The following RICTOR variants were observed in gnomAD, a reference collection of about 807,000 sequenced individuals.
RICTOR encodes the protein RPTOR independent companion of MTOR complex 2.
In RICTOR, 49 loss-of-function variants were observed where a neutral mutation model predicts 214.9. That is an observed-to-expected ratio of 0.23 (90% CI 0.18 to 0.29). RICTOR has a LOEUF of 0.29. Among genes scored for constraint, RICTOR ranks in the 10% least tolerant of loss-of-function variants. The pLI, the probability that RICTOR is intolerant of heterozygous loss-of-function variation, is 1.00. For synonymous variants in RICTOR, 717 were observed against 711.3 expected (o/e 1.01, Z -0.13); for missense variants, 1,625 against 2,047.0 (o/e 0.79, Z 3.98).
In RICTOR at chr5:38,978,650, T is replaced by C; in HGVS notation, c.754A>G (p.Arg252Gly). ...AAATCAGTATAGGGTGCTAAAATTC[T>C]CTATTTAAAAAAAAAAAGGAAGAAA... Reference protein sequence around the residue: ...QYVRADVELERILAPYTDFHY... With the variant: ...QYVRADVELEGILAPYTDFHY... Residue 252 changes from arginine to glycine, a missense_variant and splice_region_variant, in exon 9 of 38, where the codon AGA becomes GGA. Physicochemically the swap from Arg to Gly is moderately radical, Grantham distance 125. Transcript: ENST00000357387. 3 of 1,479,920 alleles carry C rather than the reference T, an allele frequency of 2.0e-6. No individual in the cohort carries two copies. Among genetic ancestry groups the C allele is most frequent in the Non-Finnish European group, 2.8e-6 (3 of 1,073,784 alleles). The allele number at this position is 1,479,920 out of a possible 1,614,324, so 91.7% of individuals were successfully genotyped here. A position where few individuals can be genotyped will look rare whatever the true frequency, so the allele number is the denominator to read the frequency against.
intron 8 of RICTOR, 123 bp downstream of exon 8, chr5:38,981,744 G>T (rs1017115961): frequency 6.6e-6 from 4 of 608,660 alleles, no homozygotes; most frequent in South Asian, 2.6e-5. Context: ...GAATAAATTA[G>T]TGTCGGCTAA....
chr5:38,977,286 G>A (rs759663174), intron 9 of RICTOR, among the ~76,000 whole-genome samples: 4 of 152,192 alleles, frequency 2.6e-5, no homozygotes, highest in Admixed American at 6.5e-5. Flanking sequence ...GGCAAGACCT[G>A]AGCCAGACTT....
At chr5:39,020,418 G>GT (rs1210808647) in intron 3 of RICTOR, among the ~76,000 whole-genome samples, 1 of 152,102 alleles carries the variant, frequency 6.6e-6, no homozygotes, top group Non-Finnish European at 1.5e-5. Flanking sequence ...CCACTACTCT[G>GT]ATAAGGCAGC....
At chr5:38,990,665 A>AGATATAT (rs1561501921) in intron 7 of RICTOR, among the ~76,000 whole-genome samples, 231 of 8,760 alleles carry the variant, frequency 0.026, 10 homozygotes, top group African/African-American at 0.044. Flanking sequence ...GATATATATC[A>AGATATAT]GATATATATC....
intron 16 of RICTOR, 55 bp from the exon 17 acceptor site, chr5:38,963,096 G>C (rs1749931308): frequency 3.3e-6 from 4 of 1,209,090 alleles, no homozygotes. Flanking sequence ...TAATTTAAGA[G>C]ATTACCTTGG....
intron 2 of RICTOR, among the ~76,000 whole-genome samples, chr5:39,052,828 T>C (rs537482521): frequency 6.6e-6 from 1 of 152,354 alleles, no homozygotes; most frequent in South Asian, 2.1e-4. Flanking sequence ...CTTCTAGCTC[T>C]AAACTCTGCT....
chr5:38,958,526 G>A lies in RICTOR; in HGVS notation c.2344-7C>T. On this transcript the variant is annotated splice_polypyrimidine_tract_variant and splice_region_variant and intron_variant, in intron 23 of 37. Coordinates refer to ENST00000357387, the MANE Select transcript of RICTOR (RefSeq NM_152756.5). ...TGAGAGCATGAAGATTGGCCTAAAAGAGATTATCATTATTTTTTTATAATT... is the reference window on the plus strand; with the variant it reads ...TGAGAGCATGAAGATTGGCCTAAAAAAGATTATCATTATTTTTTTATAATT... The A allele has an allele frequency of 1.2e-6, 2 of 1,603,480 alleles. No homozygotes were observed. Among genetic ancestry groups the A allele is most frequent in the Non-Finnish European group, 1.7e-6 (2 of 1,173,554 alleles).
In RICTOR at chr5:39,035,032, G is replaced by C. The variant is rs557340085; in HGVS notation, c.98-13896C>G. On this transcript the variant is annotated intron_variant, in intron 2 of 37. Coordinates refer to ENST00000357387, the MANE Select transcript of RICTOR (RefSeq NM_152756.5). ...AGACTGCCTCCTCAAGTGGGTCCCT[G>C]ACCCCTGACCCCTGAGCAGCCTAAC... is the stretch of plus-strand genomic sequence containing the variant. 9.2e-5 allele frequency among the ~76,000 whole-genome samples: 14 copies of C among 152,316 alleles called. No individual in the cohort carries two copies. In the South Asian group the frequency reaches 2.3e-3, roughly 25 times the overall value.
intron 3 of RICTOR, among the ~76,000 whole-genome samples, chr5:39,010,129 T>C (rs1055886770): frequency 5.3e-5 from 8 of 152,136 alleles, no homozygotes; most frequent in African/African-American, 1.9e-4. Flanking sequence ...GTGAGTTCCA[T>C]CTATGACCAT....
intron 2 of RICTOR, among the ~76,000 whole-genome samples, chr5:39,064,064 T>C (rs1293912852): frequency 1.3e-5 from 2 of 152,190 alleles, no homozygotes; most frequent in Non-Finnish European, 2.9e-5. Context: ...AAGAATATAC[T>C]TATATTTAGG....
intron 2 of RICTOR, among the ~76,000 whole-genome samples, chr5:39,064,231 C>T (rs1758747547): frequency 6.6e-6 from 1 of 152,224 alleles, no homozygotes; most frequent in African/African-American, 2.4e-5. Context: ...AACCTGGCCA[C>T]TGTAACAAAA....
intron 7 of RICTOR, among the ~76,000 whole-genome samples, chr5:38,986,248 T>C (rs1307938394): frequency 1.3e-5 from 2 of 152,212 alleles, no homozygotes; most frequent in East Asian, 1.9e-4. Context: ...TGCTGCTACG[T>C]AAGACATGCC....
chr5:38,940,748 C>A lies in RICTOR; in HGVS notation c.*1556G>T, dbSNP rs1747474089. Reference sequence around the variant, plus strand: ...ATGAAATGCTTCATCCCAACTGGAACTTTCAGTTCCAGTAAATAAATTTTT... The same window carrying A: ...ATGAAATGCTTCATCCCAACTGGAAATTTCAGTTCCAGTAAATAAATTTTT... On this transcript the variant is annotated 3_prime_UTR_variant, in exon 38 of 38. Transcript: ENST00000357387. 4.3e-6 allele frequency: 1 copy of A among 232,352 alleles called. No individual in the cohort carries two copies. The allele number at this position is 232,352 out of a possible 1,614,324, so 14.4% of individuals were successfully genotyped here.
intron 7 of RICTOR, among the ~76,000 whole-genome samples, chr5:38,988,710 C>T (rs1397938195): frequency 2.6e-5 from 4 of 152,030 alleles, no homozygotes; most frequent in Admixed American, 6.6e-5. Flanking sequence ...ACAAGCATTC[C>T]TATACACCAA....
At chr5:38,961,700 T>C (rs1186634508) in intron 19 of RICTOR, among the ~76,000 whole-genome samples, 1 of 152,160 alleles carries the variant, frequency 6.6e-6, no homozygotes, top group East Asian at 1.9e-4. Flanking sequence ...CTTTTATAGA[T>C]ATTAGGTTAC....
At chr5:39,069,012 C>T (rs542849782) in intron 2 of RICTOR, among the ~76,000 whole-genome samples, 2 of 152,194 alleles carry the variant, frequency 1.3e-5, no homozygotes, top group East Asian at 3.9e-4. Flanking sequence ...AAAACAGAGA[C>T]AATAAGTGTA....
At chr5:39,059,309 G>A (rs545643595) in intron 2 of RICTOR, among the ~76,000 whole-genome samples, 4 of 152,022 alleles carry the variant, frequency 2.6e-5, no homozygotes, top group Admixed American at 6.6e-5. Flanking sequence ...TTCAAAAACC[G>A]GCGGCTAAAC....
intron 3 of RICTOR, among the ~76,000 whole-genome samples, chr5:39,005,716 A>T (rs1038283603): frequency 6.6e-6 from 1 of 152,164 alleles, no homozygotes; most frequent in East Asian, 1.9e-4. Flanking sequence ...GTATATAAAA[A>T]CTTGCAAAGA....
At chr5:38,987,823 G>A (rs747922322) in intron 7 of RICTOR, among the ~76,000 whole-genome samples, 2 of 151,888 alleles carry the variant, frequency 1.3e-5, no homozygotes, top group Non-Finnish European at 2.9e-5. Flanking sequence ...GATCTTTCCC[G>A]CTTTCTCCTG....
Sources: gnomAD v4.1 joint callset for allele counts (sites outside exome capture counted in the v4.1 genomes callset) on GRCh38, gnomAD v4.1.1 for gene constraint, MANE v1.5 for transcripts, NCBI Gene and HGNC (gene_info 2026-07-23, HGNC 2026-07-21) for gene names.